SEPTIN7: variants seen among roughly 807,000 people sequenced by gnomAD.
SEPTIN7 encodes septin-7.
SEPTIN7 carries 10 observed loss-of-function variants against 63.3 expected under a neutral mutation model. That is an observed-to-expected ratio of 0.16 (90% CI 0.10 to 0.27). SEPTIN7 has a LOEUF of 0.27. Ranked by LOEUF, SEPTIN7 falls within the 10% of genes least tolerant of loss-of-function variation. SEPTIN7 has a pLI of 1.00. For synonymous variants in SEPTIN7, 131 were observed against 165.3 expected (o/e 0.79, Z 1.59); for missense variants, 310 against 521.0 (o/e 0.59, Z 3.94).
intron 1 of SEPTIN7, among the ~76,000 whole-genome samples, chr7:35,808,476 G>A (rs1788495717): frequency 1.3e-5 from 2 of 152,152 alleles, no homozygotes; most frequent in African/African-American, 4.8e-5. Flanking sequence ...ATCTCAGTCT[G>A]TTTGTGCTGC....
At chr7:35,876,048 G>T (rs1055821552) in intron 6 of SEPTIN7, among the ~76,000 whole-genome samples, 2 of 152,028 alleles carry the variant, frequency 1.3e-5, no homozygotes, top group African/African-American at 4.8e-5. Flanking sequence ...ACATTTTGTA[G>T]GCTTCTGAAA....
At chr7:35,910,236 T>C (rs150781246), downstream of SEPTIN7, among the ~76,000 whole-genome samples, 89 of 152,344 alleles carry the variant, frequency 5.8e-4, no homozygotes, top group African/African-American at 1.9e-3. Flanking sequence ...TCCTGTTCAA[T>C]GCATGAAGGA....
chr7:35,818,224 C>T (rs1789200776), intron 1 of SEPTIN7, among the ~76,000 whole-genome samples: 1 of 151,882 alleles, frequency 6.6e-6, no homozygotes, highest in Non-Finnish European at 1.5e-5. Context: ...TCTGTGTCTA[C>T]TGAGATGATT....
chr7:35,876,464 A>C (rs1157105860), intron 6 of SEPTIN7, among the ~76,000 whole-genome samples: 2 of 152,238 alleles, frequency 1.3e-5, no homozygotes, highest in African/African-American at 4.8e-5. Context: ...TCTGAGATTG[A>C]ATATTTCATG....
chr7:35,813,940 A>T (rs533971056), intron 1 of SEPTIN7, among the ~76,000 whole-genome samples: 1 of 152,188 alleles, frequency 6.6e-6, no homozygotes, highest in Non-Finnish European at 1.5e-5. Flanking sequence ...TGTAACATTG[A>T]TGTTAACTAT....
At chr7:35,807,656 C>T (rs1160607868) in intron 1 of SEPTIN7, among the ~76,000 whole-genome samples, 2 of 152,082 alleles carry the variant, frequency 1.3e-5, no homozygotes, top group Admixed American at 1.3e-4. Context: ...AGCCACTGTG[C>T]CCTGCCAATT....
At chr7:35,867,246 T>G (rs1785859503) in intron 4 of SEPTIN7, among the ~76,000 whole-genome samples, 1 of 152,208 alleles carries the variant, frequency 6.6e-6, no homozygotes, top group African/African-American at 2.4e-5. Context: ...CAAATATAGA[T>G]ACCCAGATTA....
At chr7:35,885,526 A>C (rs1787177845) in intron 9 of SEPTIN7, among the ~76,000 whole-genome samples, 3 of 152,174 alleles carry the variant, frequency 2.0e-5, no homozygotes, top group African/African-American at 7.2e-5. Flanking sequence ...TTATAGAATA[A>C]ATATATTTTT....
chr7:35,884,101 A>C (rs1787073988), intron 9 of SEPTIN7, 114 bp downstream of exon 9: 1 of 561,374 alleles, frequency 1.8e-6, no homozygotes. Flanking sequence ...TAGATTTTCA[A>C]GGATAATACT....
chr7:35,883,613 T>G (rs1787039584), intron 8 of SEPTIN7, among the ~76,000 whole-genome samples: 1 of 146,492 alleles, frequency 6.8e-6, no homozygotes, highest in African/African-American at 2.5e-5. Context: ...GACAACTTTC[T>G]GTAGTGATTT....
intron 4 of SEPTIN7, among the ~76,000 whole-genome samples, chr7:35,866,718 T>C (rs1785823749): frequency 6.6e-6 from 1 of 152,222 alleles, no homozygotes; most frequent in Non-Finnish European, 1.5e-5. Context: ...AGTGAAGTTT[T>C]CAGTATTGAT....
chr7:35,860,455 A>G (rs1785444992), intron 3 of SEPTIN7, among the ~76,000 whole-genome samples: 1 of 151,968 alleles, frequency 6.6e-6, no homozygotes, highest in Non-Finnish European at 1.5e-5. Context: ...ATATCTTTAT[A>G]TTGCTTTGAG....
At chr7:35,886,821 A>G (rs767043586) in intron 10 of SEPTIN7, among the ~76,000 whole-genome samples, 5 of 152,218 alleles carry the variant, frequency 3.3e-5, no homozygotes, top group African/African-American at 4.8e-5. Flanking sequence ...GTCATTCTCA[A>G]GGTGAGAAGT....
Position 35,905,896 on chromosome 7 carries a change from A to G in SEPTIN7, c.*1603A>G, listed in dbSNP as rs1788587199. The G allele has an allele frequency of 6.6e-6, 1 of 152,198 alleles. No individual in the cohort carries two copies. 9.4% of individuals were successfully genotyped at this position (152,198 alleles called of 1,614,324 possible). A position where few individuals can be genotyped will look rare whatever the true frequency, so the allele number is the denominator to read the frequency against. On this transcript the variant is annotated 3_prime_UTR_variant, in exon 14 of 14. Coordinates refer to ENST00000350320, the MANE Select transcript of SEPTIN7 (RefSeq NM_001788.6). The stretch of plus-strand genomic sequence containing the variant: ...TTTTAATGTAATGCATAATTTAGGT[A>G]AGAAATTAATTAATGTAGCCTAGTT...
chr7:35,876,130 G>C (rs1479002145), intron 6 of SEPTIN7, among the ~76,000 whole-genome samples: 4 of 151,958 alleles, frequency 2.6e-5, no homozygotes, highest in Non-Finnish European at 5.9e-5. Flanking sequence ...AATGTTCTTT[G>C]ACCCTTTGGT....
In SEPTIN7 at chr7:35,808,263, A is replaced by G. The variant is rs373626122; in HGVS notation, c.61+6993A>G. On this transcript the variant is annotated intron_variant, in intron 1 of 13. Transcript: ENST00000350320. ...TTCCTAGTCCTCGGCATCCTGTGTT[A>G]ACAGTTTCTTGTATGTTCTTCCAAA... is the stretch of plus-strand genomic sequence containing the variant. 2.0e-5 allele frequency among the ~76,000 whole-genome samples: 3 copies of G among 152,262 alleles called. No individual in the cohort carries two copies. In the East Asian group the frequency reaches 5.8e-4, roughly 29 times the overall value.
intron 11 of SEPTIN7, among the ~76,000 whole-genome samples, chr7:35,895,516 C>T (rs1454808439): frequency 6.6e-6 from 1 of 152,112 alleles, no homozygotes; most frequent in Non-Finnish European, 1.5e-5. Flanking sequence ...AGGTTTAAAA[C>T]TTTCAAGACT....
intron 1 of SEPTIN7, chr7:35,803,237 T>C: frequency 3.1e-6 from 2 of 653,330 alleles, no homozygotes; most frequent in South Asian, 6.8e-5. Context: ...TTCAGAAGTT[T>C]GTGATAAAAT....
intron 11 of SEPTIN7, among the ~76,000 whole-genome samples, chr7:35,894,343 C>A (rs10230802): frequency 0.33 from 49,449 of 151,764 alleles, 8,283 homozygotes; most frequent in East Asian, 0.41. Flanking sequence ...TTTTTCTGTT[C>A]TCTATAGCCT....
Sources: gnomAD v4.1 joint callset for allele counts (sites outside exome capture counted in the v4.1 genomes callset) on GRCh38, gnomAD v4.1.1 for gene constraint, MANE v1.5 for transcripts, NCBI Gene and HGNC (gene_info 2026-07-23, HGNC 2026-07-21) for gene names.